The following UXS1 variants were observed in gnomAD, a reference collection of about 807,000 sequenced individuals.
UXS1 encodes UDP-glucuronic acid decarboxylase 1.
In UXS1, 33 loss-of-function variants were observed where a neutral mutation model predicts 62.6. The observed-to-expected ratio is 0.53, with a 90% CI of 0.40 to 0.70. The LOEUF is 0.70. UXS1 is among the 30% of genes least tolerant of loss of function. UXS1 has a pLI of 0.00. For synonymous variants in UXS1, 213 were observed against 206.8 expected (o/e 1.03, Z -0.26); for missense variants, 434 against 556.3 (o/e 0.78, Z 2.21).
intron 1 of UXS1, among the ~76,000 whole-genome samples, chr2:106,188,905 T>C (rs1049013579): frequency 6.6e-6 from 1 of 152,232 alleles, no homozygotes; most frequent in Non-Finnish European, 1.5e-5. Context: ...ATGAAGACCA[T>C]GTTTTAGTTT....
chr2:106,172,077 G>A (rs1054672255), intron 1 of UXS1, among the ~76,000 whole-genome samples: 8 of 152,216 alleles, frequency 5.3e-5, no homozygotes, highest in South Asian at 2.1e-4. Context: ...CAGCGCTTGC[G>A]GATGCACAAG....
chr2:106,184,896 T>G (rs557911773), intron 1 of UXS1, among the ~76,000 whole-genome samples: 2 of 152,234 alleles, frequency 1.3e-5, no homozygotes, highest in South Asian at 4.1e-4. Context: ...CAAAGCACAT[T>G]TCAGGCCACA....
At chr2:106,169,703 A>G (rs941740317) in intron 1 of UXS1, among the ~76,000 whole-genome samples, 10 of 152,176 alleles carry the variant, frequency 6.6e-5, no homozygotes, top group Admixed American at 6.5e-4. Context: ...AAAGAAAAAA[A>G]GTTGATTTCA....
chr2:106,191,586 G>C lies in UXS1; in HGVS notation c.94+2562C>G, dbSNP rs532034088. ...GGCTGCACCCCAGGCCTGCCTGCCT[G>C]CTTGCCTGCTCTGGCCCCTGTCTGC... On this transcript the variant is annotated intron_variant, in intron 1 of 14. Coordinates refer to ENST00000283148, the MANE Select transcript of UXS1 (RefSeq NM_001253875.2). Among the ~76,000 whole-genome samples the C allele has an allele frequency of 3.9e-5, 6 of 152,340 alleles. No individual in the cohort carries two copies. In the South Asian group the frequency reaches 1.2e-3, roughly 32 times the overall value.
At chr2:106,179,498 A>G (rs900927049) in intron 1 of UXS1, 1 of 152,148 alleles carries the variant, frequency 6.6e-6, no homozygotes, top group Non-Finnish European at 1.5e-5. Context: ...TTCATTCTCT[A>G]CTTTACTCTG....
chr2:106,100,775 G>A (rs1287661906), intron 12 of UXS1: 4 of 400,928 alleles, frequency 1.0e-5, no homozygotes, highest in Non-Finnish European at 1.8e-5. Context: ...GCACACACAC[G>A]TCCACCTACT....
intron 10 of UXS1, among the ~76,000 whole-genome samples, chr2:106,110,041 C>A (rs1678452314): frequency 6.6e-6 from 1 of 152,168 alleles, no homozygotes. Flanking sequence ...CTCCACAGAG[C>A]CATCTGACAA....
intron 8 of UXS1, among the ~76,000 whole-genome samples, chr2:106,124,934 G>T (rs1307192614): frequency 1.3e-5 from 2 of 152,084 alleles, no homozygotes; most frequent in Non-Finnish European, 2.9e-5. Context: ...ATGTAAAATA[G>T]AAAAATTACA....
At chr2:106,121,232 C>T (rs541326768) in intron 9 of UXS1, among the ~76,000 whole-genome samples, 2 of 152,200 alleles carry the variant, frequency 1.3e-5, no homozygotes, top group Admixed American at 6.5e-5. Context: ...AGCATACAGT[C>T]GGTGCTCAAG....
At chr2:106,126,744 C>T (rs1487534925) in intron 7 of UXS1, among the ~76,000 whole-genome samples, 1 of 152,090 alleles carries the variant, frequency 6.6e-6, no homozygotes, top group Non-Finnish European at 1.5e-5. Flanking sequence ...CCAGATTCCC[C>T]CAATGCTAAA....
chr2:106,139,687 T>A (rs1171666784), intron 6 of UXS1, among the ~76,000 whole-genome samples: 4 of 152,214 alleles, frequency 2.6e-5, no homozygotes, highest in African/African-American at 9.6e-5. Context: ...TTTTCTTTTT[T>A]AATTTTGTCT....
chr2:106,098,389 T>C (rs1217761852), intron 13 of UXS1, among the ~76,000 whole-genome samples: 1 of 152,220 alleles, frequency 6.6e-6, no homozygotes, highest in Non-Finnish European at 1.5e-5. Flanking sequence ...TGAAATTCTA[T>C]GCTTGACATG....
chr2:106,163,559 C>T (rs3910716), intron 4 of UXS1, 108 bp downstream of exon 4: 708,242 of 714,086 alleles, frequency 0.99, 351,376 homozygotes, highest in South Asian at 1. Flanking sequence ...AATGCGTATA[C>T]AGACATTTAT....
At chr2:106,163,543 G>T in intron 4 of UXS1, 124 bp downstream of exon 4, 2 of 564,766 alleles carry the variant, frequency 3.5e-6, no homozygotes, top group Admixed American at 4.2e-5. Context: ...CACTCAAAGT[G>T]GGGGAAATGC....
chr2:106,181,218 C>G (rs1412862812), intron 1 of UXS1, among the ~76,000 whole-genome samples: 1 of 152,156 alleles, frequency 6.6e-6, no homozygotes, highest in African/African-American at 2.4e-5. Flanking sequence ...ACAGGCACAT[C>G]CCTCAGCAGC....
chr2:106,143,442 A>G (rs1294677390), intron 6 of UXS1, among the ~76,000 whole-genome samples: 2 of 143,772 alleles, frequency 1.4e-5, no homozygotes, highest in Non-Finnish European at 3.0e-5. Context: ...AAAAAAAGGT[A>G]TAATTTGGGC....
intron 1 of UXS1, chr2:106,183,421 C>G (rs1182054410): frequency 6.6e-6 from 1 of 152,204 alleles, no homozygotes; most frequent in African/African-American, 2.4e-5. Context: ...TCTAGCACAT[C>G]CAGACTCCCT....
rs368835332 is a variant in UXS1, at chr2:106,112,631, G to A, written c.879+15C>T. 1.9e-5 allele frequency: 31 copies of A among 1,613,140 alleles called. No individual in the cohort carries two copies. The highest frequency in any genetic ancestry group is 4.5e-5 in the East Asian group (2 of 44,874). ...TGGGTTGCAAGGTGCTCCCTGAGCC[G>A]AGGCCAGCACCTACCGTGAGTGGCT... On this transcript the variant is annotated intron_variant, in intron 10 of 14. Transcript: ENST00000283148.
At position 106,164,803 on chromosome 2, in the gene UXS1, T is replaced by C. The variant is rs1480362238; in HGVS notation, c.123-4A>G. ...GATAGACCTGTTGAGTAGAAAGCTA[T>C]AAAACTGAGATCAACTGAAAGGCTT... is the stretch of plus-strand genomic sequence containing the variant. On this transcript the variant is annotated splice_region_variant and splice_polypyrimidine_tract_variant and intron_variant, in intron 2 of 14. Transcript: ENST00000283148. 1 of 1,580,388 alleles carries C rather than the reference T, an allele frequency of 6.3e-7. No individual in the cohort carries two copies. The highest frequency in any genetic ancestry group is 8.6e-7 in the Non-Finnish European group (1 of 1,163,866).
Sources: gnomAD v4.1 joint callset for allele counts (sites outside exome capture counted in the v4.1 genomes callset) on GRCh38, gnomAD v4.1.1 for gene constraint, MANE v1.5 for transcripts, NCBI Gene and HGNC (gene_info 2026-07-23, HGNC 2026-07-21) for gene names.